The following TENM4 variants were observed in gnomAD, a reference collection of about 807,000 sequenced individuals.
The protein encoded by TENM4 is teneurin-4.
In TENM4, 82 loss-of-function variants were observed where a neutral mutation model predicts 243.3. The observed-to-expected ratio is 0.34, with a 90% CI of 0.28 to 0.40. The LOEUF is 0.40. Among genes scored for constraint, TENM4 ranks in the 10% least tolerant of loss-of-function variants. The pLI, the probability that TENM4 is intolerant of heterozygous loss-of-function variation, is 1.00. For synonymous variants in TENM4, 1,412 were observed against 1,456.3 expected (o/e 0.97, Z 0.69); for missense variants, 3,138 against 3,673.3 (o/e 0.85, Z 3.77).
Position 79,098,226 on chromosome 11 carries a change from C to G in TENM4, c.-65-28217G>C, listed in dbSNP as rs865964190. ...GGGTCTCTTGTGTCTCCCCCACCCC[C>G]CCCCATCTCCCAGCTCAGTGAGAAT... On this transcript the variant is annotated intron_variant, in intron 4 of 33. Transcript: ENST00000278550. Among the ~76,000 whole-genome samples the G allele has an allele frequency of 2.2e-3, 330 of 151,676 alleles. 1 individual carries two copies. Among genetic ancestry groups the G allele is most frequent in the African/African-American group, 7.4e-3 (305 of 41,304 alleles).
At chr11:79,411,543 C>A (rs1449281986) in intron 1 of TENM4, among the ~76,000 whole-genome samples, 1 of 152,208 alleles carries the variant, frequency 6.6e-6, no homozygotes, top group Non-Finnish European at 1.5e-5. Context: ...CCCTCCTGGC[C>A]TTGCGCTGCA....
intron 1 of TENM4, among the ~76,000 whole-genome samples, chr11:79,426,785 C>T (rs1355795958): frequency 1.3e-5 from 2 of 152,106 alleles, no homozygotes; most frequent in African/African-American, 2.4e-5. Flanking sequence ...AGATGAGTTT[C>T]GGATGTGTTA....
chr11:79,339,777 G>A (rs1857212168), intron 1 of TENM4, among the ~76,000 whole-genome samples: 1 of 152,102 alleles, frequency 6.6e-6, no homozygotes, highest in Non-Finnish European at 1.5e-5. Flanking sequence ...AGAAAAGGGA[G>A]GAGAGGGAAA....
chr11:79,419,763 C>T (rs1858892020), intron 1 of TENM4, among the ~76,000 whole-genome samples: 1 of 152,146 alleles, frequency 6.6e-6, no homozygotes, highest in African/African-American at 2.4e-5. Flanking sequence ...AGACATCATC[C>T]ACATCTCCAC....
chr11:78,861,208 G>T (rs1461200832), intron 10 of TENM4, among the ~76,000 whole-genome samples: 2 of 152,298 alleles, frequency 1.3e-5, no homozygotes, highest in South Asian at 2.1e-4. Flanking sequence ...CATGGACAGG[G>T]CCAACATGAC....
At chr11:78,919,509 A>G (rs544591006) in intron 6 of TENM4, among the ~76,000 whole-genome samples, 163 of 152,280 alleles carry the variant, frequency 1.1e-3, no homozygotes, top group African/African-American at 3.5e-3. Context: ...GGCAATCACA[A>G]GATTTTTCTG....
At chr11:79,304,289 C>T (rs1198245752) in intron 1 of TENM4, among the ~76,000 whole-genome samples, 4 of 152,222 alleles carry the variant, frequency 2.6e-5, no homozygotes, top group African/African-American at 7.2e-5. Flanking sequence ...CTCAGAGATG[C>T]TTCTTGAGCT....
intron 12 of TENM4, among the ~76,000 whole-genome samples, chr11:78,830,011 G>C (rs1255459545): frequency 1.3e-5 from 2 of 152,208 alleles, no homozygotes; most frequent in African/African-American, 4.8e-5. Context: ...GTGAGTCCGT[G>C]TGAGATGATG....
chr11:79,377,073 G>A (rs1590922376), intron 1 of TENM4, among the ~76,000 whole-genome samples: 1 of 152,298 alleles, frequency 6.6e-6, no homozygotes, highest in East Asian at 1.9e-4. Flanking sequence ...AGGGAGATTT[G>A]ACACAAACAC....
intron 10 of TENM4, among the ~76,000 whole-genome samples, chr11:78,857,126 G>A (rs1285203962): frequency 1.3e-5 from 2 of 152,202 alleles, no homozygotes; most frequent in Non-Finnish European, 2.9e-5. Context: ...CTCCTGAAGA[G>A]TTGAGAAGGA....
chr11:79,436,362 CT>C (rs1691103286), intron 1 of TENM4, among the ~76,000 whole-genome samples: 1 of 152,082 alleles, frequency 6.6e-6, no homozygotes, highest in South Asian at 2.1e-4. Context: ...AAAAAAAACC[CT>C]GACAGTGTTG....
chr11:78,746,777 C>T (rs933325512), intron 19 of TENM4, among the ~76,000 whole-genome samples: 2 of 152,182 alleles, frequency 1.3e-5, no homozygotes, highest in Non-Finnish European at 2.9e-5. Flanking sequence ...TTCAGATAGG[C>T]TGTTTTCTAT....
At chr11:79,194,153 C>T (rs1298608396) in intron 3 of TENM4, among the ~76,000 whole-genome samples, 2 of 151,878 alleles carry the variant, frequency 1.3e-5, no homozygotes, top group Non-Finnish European at 2.9e-5. Flanking sequence ...GCTGCCGCCA[C>T]GTTAGAAGCG....
chr11:78,822,075 T>G (rs773777765), intron 12 of TENM4, among the ~76,000 whole-genome samples: 2 of 152,150 alleles, frequency 1.3e-5, no homozygotes, highest in Admixed American at 6.5e-5. Context: ...ATCTACAAAG[T>G]CATATATTTT....
intron 2 of TENM4, among the ~76,000 whole-genome samples, chr11:79,234,414 T>C (rs1864426558): frequency 6.6e-6 from 1 of 152,230 alleles, no homozygotes; most frequent in Non-Finnish European, 1.5e-5. Context: ...GCATCTTATG[T>C]CAGTTCTTAC....
chr11:79,396,743 C>T (rs932461531), intron 1 of TENM4, among the ~76,000 whole-genome samples: 1 of 152,214 alleles, frequency 6.6e-6, no homozygotes, highest in African/African-American at 2.4e-5. Flanking sequence ...GGCATGGTGG[C>T]CACTGGGTCT....
chr11:78,844,365 C>T lies in TENM4; in HGVS notation c.1681+9739G>A, dbSNP rs148201383. Among the ~76,000 whole-genome samples, 960 of 152,190 alleles carry T rather than the reference C, an allele frequency of 6.3e-3. 8 individuals carry two copies. The highest frequency in any genetic ancestry group is 0.022 in the African/African-American group (901 of 41,532). ...TGTCCTTATAAAAAGAGGAAAAGGC[C>T]GGGTGCGGTGGCTCATGCCTGTAAT... On this transcript the variant is annotated intron_variant, in intron 12 of 33. Transcript: ENST00000278550.
intron 3 of TENM4, among the ~76,000 whole-genome samples, chr11:79,213,711 G>T (rs903748627): frequency 1.3e-5 from 2 of 152,210 alleles, no homozygotes; most frequent in African/African-American, 4.8e-5. Context: ...GGAGGAAGAG[G>T]AGACCACACT....
intron 15 of TENM4, 55 bp downstream of exon 15, chr11:78,805,237 T>C (rs545619032): frequency 2.7e-5 from 6 of 221,120 alleles, no homozygotes; most frequent in African/African-American, 1.3e-4. Flanking sequence ...TTGGTGACCA[T>C]GTCACAGTGG....
Sources: allele counts gnomAD v4.1 joint callset (sites outside exome capture counted in the v4.1 genomes callset), GRCh38; gene constraint gnomAD v4.1.1; transcripts MANE v1.5; gene names NCBI Gene and HGNC (gene_info 2026-07-23, HGNC 2026-07-21).